The following TERB1 variants were observed in gnomAD, a reference collection of about 807,000 sequenced individuals.
TERB1 encodes the protein telomere repeats-binding bouquet formation protein 1.
TERB1 carries 63 observed loss-of-function variants against 92.3 expected under a neutral mutation model. The ratio of observed to expected loss-of-function variants is 0.68; its 90% CI spans 0.56 to 0.84. TERB1 has a LOEUF of 0.84. Ranked by LOEUF, TERB1 falls within the 40% of genes least tolerant of loss-of-function variation. The pLI, the probability that TERB1 is intolerant of heterozygous loss-of-function variation, is 0.00. For synonymous variants in TERB1, 252 were observed against 283.9 expected (o/e 0.89, Z 1.13); for missense variants, 709 against 843.7 (o/e 0.84, Z 1.98).
Position 66,772,621 on chromosome 16 carries a change from T to C in TERB1, c.1240A>G (p.Arg414Gly), listed in dbSNP as rs2018470589. Residue 414 changes from arginine (R) to glycine (G), a missense_variant, in exon 13 of 19, where the codon AGA (arginine) becomes GGA (glycine). By Grantham distance (125) the Arg-to-Gly change is moderately radical (BLOSUM62 -2). Coordinates refer to ENST00000433154, the MANE Select transcript of TERB1 (RefSeq NM_001136505.2). ...CCTTCTCTTTCAAGCTGTTCTATTC[T>C]GTGTAGAATTTCCTTTGCTTTCCTC... ...HWRKAKEILH[R>G]IEQLEREGNE... 1 of 1,551,668 alleles carries C rather than the reference T, an allele frequency of 6.4e-7. No homozygotes were observed. The highest frequency in any genetic ancestry group is 1.7e-4 in the Middle Eastern group (1 of 5,992).
At chr16:66,765,686 G>A (rs1462934868) in intron 16 of TERB1, among the ~76,000 whole-genome samples, 3 of 151,224 alleles carry the variant, frequency 2.0e-5, no homozygotes, top group Non-Finnish European at 4.4e-5. Context: ...TTGAACTCCT[G>A]AGCTCAGGTA....
intron 16 of TERB1, among the ~76,000 whole-genome samples, chr16:66,759,673 C>G (rs978063887): frequency 2.0e-5 from 3 of 150,860 alleles, no homozygotes; most frequent in Non-Finnish European, 4.4e-5. Context: ...TGGCATGCAC[C>G]TGTAGTCCCA....
intron 11 of TERB1, among the ~76,000 whole-genome samples, chr16:66,776,051 C>T (rs1016518454): frequency 6.6e-6 from 1 of 151,880 alleles, no homozygotes; most frequent in African/African-American, 2.4e-5. Context: ...CACTTAAGGC[C>T]GGGCTCGGTG....
intron 6 of TERB1, among the ~76,000 whole-genome samples, chr16:66,787,553 A>T (rs866135102): frequency 2.0e-5 from 3 of 152,176 alleles, no homozygotes; most frequent in Non-Finnish European, 4.4e-5. Context: ...CTTTTCTGTA[A>T]ATCTAAAATT....
chr16:66,768,284 A>AATCACGATCT (rs1371616755), intron 14 of TERB1, 116 bp from the exon 15 acceptor site: 1 of 737,318 alleles, frequency 1.4e-6, no homozygotes, highest in East Asian at 2.7e-5. Context: ...AGCAACCTGG[A>AATCACGATCT]ATCACGATCT....
chr16:66,767,369 T>C, intron 16 of TERB1, 46 bp downstream of exon 16: 3 of 1,097,892 alleles, frequency 2.7e-6, no homozygotes, highest in Non-Finnish European at 3.9e-6. Flanking sequence ...GTTAATATCA[T>C]AAAAGGCTTT....
chr16:66,763,988 A>G (rs558670199), intron 16 of TERB1, among the ~76,000 whole-genome samples: 1 of 152,346 alleles, frequency 6.6e-6, no homozygotes, highest in African/African-American at 2.4e-5. Context: ...TAATATGGCT[A>G]GAGTACAGAG....
intron 3 of TERB1, among the ~76,000 whole-genome samples, chr16:66,791,962 C>G (rs1014499140): frequency 6.6e-6 from 1 of 152,032 alleles, no homozygotes; most frequent in Non-Finnish European, 1.5e-5. Context: ...TACCTTTATA[C>G]CAAAACGGAA....
chr16:66,767,653 T>C, intron 15 of TERB1, 143 bp from the exon 16 acceptor site: 2 of 562,906 alleles, frequency 3.6e-6, no homozygotes, highest in Non-Finnish European at 6.3e-6. Flanking sequence ...AGAAAGATTC[T>C]GGATCTTAAT....
intron 12 of TERB1, among the ~76,000 whole-genome samples, chr16:66,774,113 C>T (rs1039279081): frequency 1.3e-5 from 2 of 151,192 alleles, no homozygotes; most frequent in Non-Finnish European, 2.9e-5. Context: ...GAACTCCTGA[C>T]CTCGTGATCC....
At chr16:66,773,201 G>T (rs2018483995) in intron 12 of TERB1, among the ~76,000 whole-genome samples, 1 of 151,750 alleles carries the variant, frequency 6.6e-6, no homozygotes, top group Non-Finnish European at 1.5e-5. Context: ...AGGCATTGTG[G>T]CACGCACCTG....
intron 9 of TERB1, among the ~76,000 whole-genome samples, chr16:66,782,744 A>G (rs1414900329): frequency 6.6e-6 from 1 of 152,154 alleles, no homozygotes; most frequent in Non-Finnish European, 1.5e-5. Context: ...CTAGAGAAAA[A>G]TCTGCTAGGA....
chr16:66,757,299 A>C (rs938030802), intron 18 of TERB1, among the ~76,000 whole-genome samples: 4 of 152,208 alleles, frequency 2.6e-5, no homozygotes, highest in African/African-American at 9.7e-5. Flanking sequence ...GCTGTATATA[A>C]TCATTGTATA....
At chr16:66,772,777 T>C in intron 12 of TERB1, 28 bp from the exon 13 acceptor site, 3 of 1,497,754 alleles carry the variant, frequency 2.0e-6, no homozygotes, top group South Asian at 2.6e-5. Flanking sequence ...AAACAATGAA[T>C]GAAAAGTTAT....
intron 18 of TERB1, among the ~76,000 whole-genome samples, chr16:66,757,974 T>C (rs1393551205): frequency 6.6e-6 from 1 of 152,248 alleles, no homozygotes; most frequent in Non-Finnish European, 1.5e-5. Context: ...CAATTTTTAT[T>C]GTTTCAAGCA....
intron 16 of TERB1, among the ~76,000 whole-genome samples, chr16:66,761,220 G>C (rs2018241284): frequency 6.6e-6 from 1 of 151,652 alleles, no homozygotes; most frequent in Non-Finnish European, 1.5e-5. Context: ...GGGAGGCCAA[G>C]GTGGGCAGAT....
Position 66,786,428 on chromosome 16 carries a change from A to G in TERB1, c.401-143T>C. 8.3e-6 allele frequency: 5 copies of G among 599,864 alleles called. No individual in the cohort carries two copies. The South Asian group carries it at 1.2e-4, about 15-fold the overall frequency. 37.2% of individuals were successfully genotyped at this position (599,864 alleles called of 1,614,324 possible). A position where few individuals can be genotyped will look rare whatever the true frequency, so the allele number is the denominator to read the frequency against. ...AGTATAACATAGAATTACGGTGGAT[A>G]AAAATCTGCAATCAAGATTATTATG... On this transcript the variant is annotated intron_variant, in intron 6 of 18. Coordinates refer to ENST00000433154, the MANE Select transcript of TERB1 (RefSeq NM_001136505.2).
At position 66,770,801 on chromosome 16, in the gene TERB1, ACAC is replaced by A. The variant is rs1217636266; in HGVS notation, c.1273-495_1273-493del. On this transcript the variant is annotated intron_variant, in intron 13 of 18. Transcript: ENST00000433154. Reference sequence around the variant, plus strand: ...GAAGCAAAACCAAATGACAATCAAAACACCCAGAAATAATATGTATAAAGCATA... The same window carrying A: ...GAAGCAAAACCAAATGACAATCAAAACCAGAAATAATATGTATAAAGCATA... Among the ~76,000 whole-genome samples, 20 of 152,282 alleles carry A rather than the reference ACAC, an allele frequency of 1.3e-4. No individual in the cohort carries two copies. The East Asian group carries it at 3.7e-3, about 28-fold the overall frequency.
intron 10 of TERB1, 66 bp downstream of exon 10, chr16:66,778,797 A>C: frequency 1.6e-6 from 2 of 1,269,404 alleles, no homozygotes; most frequent in Non-Finnish European, 2.1e-6. Flanking sequence ...CTACTATTTC[A>C]ACACTCTTCA....
Sources: allele counts gnomAD v4.1 joint callset (sites outside exome capture counted in the v4.1 genomes callset), GRCh38; gene constraint gnomAD v4.1.1; transcripts MANE v1.5; gene names NCBI Gene and HGNC (gene_info 2026-07-23, HGNC 2026-07-21).